The following BDH1 variants were observed in gnomAD, a reference collection of about 807,000 sequenced individuals.
BDH1 encodes the protein D-beta-hydroxybutyrate dehydrogenase, mitochondrial.
Under a neutral mutation model 33.1 loss-of-function variants are expected in BDH1, and 30 were observed. The ratio of observed to expected loss-of-function variants is 0.91; its 90% confidence interval spans 0.68 to 1.23. BDH1 has a LOEUF of 1.23. BDH1 is among the 50% of genes most tolerant of loss of function. The probability of loss-of-function intolerance (pLI) is 0.00; values close to 1 mark genes in which losing one functional copy is unlikely to be tolerated. For synonymous variants in BDH1, 190 were observed against 183.6 expected (o/e 1.03, Z -0.28); for missense variants, 443 against 464.4 (o/e 0.95, Z 0.42).
chr3:197,523,613 A>G lies in BDH1; in HGVS notation c.268-832T>C, dbSNP rs1016376861. Among the ~76,000 whole-genome samples the G allele has an allele frequency of 6.6e-6, 1 of 152,208 alleles. No homozygotes were observed. Among genetic ancestry groups the G allele is most frequent in the East Asian group, 1.9e-4 (1 of 5,206 alleles). On this transcript the variant is annotated intron_variant, in intron 5 of 7. Coordinates refer to ENST00000392379, the MANE Select transcript of BDH1 (RefSeq NM_203314.3). This position sits in a 1 kb window ranked among gnomAD's most constrained non-coding sequence, Gnocchi z 4.5. ...TCTTGGGCCCCTATCGTGTTCCGGC[A>G]CTGTGCTAGGAACTGGAGGTCAAGA...
intron 3 of BDH1, among the ~76,000 whole-genome samples, chr3:197,535,474 A>G (rs1315039488): frequency 6.6e-6 from 1 of 152,156 alleles, no homozygotes; most frequent in Non-Finnish European, 1.5e-5. Context: ...CCAACCAACA[A>G]CGTTGCTTAG....
At chr3:197,536,074 G>A (rs1350425820) in intron 3 of BDH1, among the ~76,000 whole-genome samples, 6 of 151,966 alleles carry the variant, frequency 3.9e-5, no homozygotes, top group Admixed American at 3.3e-4. Flanking sequence ...ATAGTTTTAT[G>A]TTTTACTTCT....
intron 1 of BDH1, among the ~76,000 whole-genome samples, chr3:197,571,980 G>A (rs933195723): frequency 2.0e-5 from 3 of 152,168 alleles, no homozygotes; most frequent in Non-Finnish European, 2.9e-5. Flanking sequence ...CATAACAACT[G>A]TTTCAGCACT....
At chr3:197,566,598 A>G (rs6789469) in intron 1 of BDH1, among the ~76,000 whole-genome samples, 52,245 of 152,108 alleles carry the variant, frequency 0.34, 9,366 homozygotes, top group African/African-American at 0.43. Flanking sequence ...TGCATTGTAT[A>G]CAAATAATTA....
At chr3:197,551,152 G>C (rs1579993343) in intron 2 of BDH1, among the ~76,000 whole-genome samples, 1 of 152,236 alleles carries the variant, frequency 6.6e-6, no homozygotes, top group African/African-American at 2.4e-5. Flanking sequence ...GCAAATACTA[G>C]TTCTTATTCA....
chr3:197,534,988 T>G (rs2099247), intron 3 of BDH1, among the ~76,000 whole-genome samples: 5 of 152,014 alleles, frequency 3.3e-5, no homozygotes, highest in African/African-American at 1.2e-4. Flanking sequence ...CAGCAGACTG[T>G]GTTTGGTGAG....
At chr3:197,549,977 A>ATT (rs202162714) in intron 2 of BDH1, among the ~76,000 whole-genome samples, 1 of 150,094 alleles carries the variant, frequency 6.7e-6, no homozygotes, top group African/African-American at 2.5e-5. Context: ...AATAACTATT[A>ATT]TATATATATT....
intron 2 of BDH1, among the ~76,000 whole-genome samples, chr3:197,549,985 ATT>A (rs1716421037): frequency 2.0e-5 from 3 of 147,944 alleles, no homozygotes; most frequent in Non-Finnish European, 3.0e-5. Context: ...TTATATATAT[ATT>A]TGGCCATTCC....
At chr3:197,572,968 T>C (rs191314943) in intron 1 of BDH1, among the ~76,000 whole-genome samples, 191 of 152,326 alleles carry the variant, frequency 1.3e-3, no homozygotes, top group Non-Finnish European at 1.6e-3. Flanking sequence ...TTTATCCCTA[T>C]TGCTACCAGG....
rs1711921472 is a variant in BDH1, at chr3:197,510,697, GTGTGTGTGTGTGTGTGTGTGTACA to G, written c.*1174_*1197del. On this transcript the variant is annotated 3_prime_UTR_variant, in exon 8 of 8. Transcript: ENST00000392379. ...ACATGTGTGTAAGGTGTGTGTGTGT[GTGTGTGTGTGTGTGTGTGTGTACA>G]TGTGTGTAAGCACCACGTGAGGCAA... 3 of 101,674 alleles carry G rather than the reference GTGTGTGTGTGTGTGTGTGTGTACA, an allele frequency of 3.0e-5. No homozygotes were observed. Among genetic ancestry groups the G allele is most frequent in the African/African-American group, 1.3e-4 (3 of 23,718 alleles). The allele number at this position is 101,674 out of a possible 1,614,324, so 6.3% of individuals were successfully genotyped here.
At chr3:197,533,718 G>A (rs553145280) in intron 3 of BDH1, 157 bp from the exon 4 acceptor site, 9 of 669,958 alleles carry the variant, frequency 1.3e-5, no homozygotes, top group African/African-American at 9.0e-5. Context: ...CAGGGTTGCT[G>A]GCTGATAGAA....
intron 6 of BDH1, chr3:197,515,522 G>T (rs73076587): frequency 1.3e-5 from 13 of 985,536 alleles, no homozygotes; most frequent in Non-Finnish European, 1.6e-5. Context: ...CGTCATCTTC[G>T]AGACCATAGC....
rs904999561 is a variant in BDH1, at chr3:197,525,566, C to T, written c.268-2785G>A. 2.0e-5 allele frequency among the ~76,000 whole-genome samples: 3 copies of T among 152,238 alleles called. No homozygotes were observed. The highest frequency in any genetic ancestry group is 4.4e-5 in the Non-Finnish European group (3 of 68,038). On this transcript the variant is annotated intron_variant, in intron 5 of 7. Transcript: ENST00000392379. The surrounding 1 kb of genome is among the most constrained non-coding windows in gnomAD (Gnocchi z 4.9). ...GGATTAATCTCACTGCCCACGGCTT[C>T]AGGCTCCCGAGGAGAGCAACGCTAC... is the stretch of plus-strand genomic sequence containing the variant.
rs542445174 is a variant in BDH1, at chr3:197,512,332, G to A, written c.595C>T (p.Arg199Cys). Residue 199 changes from arginine to cysteine, a missense_variant, in exon 8 of 8, where the codon CGC becomes TGC. Physicochemically the swap from Arg to Cys is radical, Grantham distance 180. Coordinates refer to ENST00000392379, the MANE Select transcript of BDH1 (RefSeq NM_203314.3). ...GGGGAGCGGGCCGGGTTGGCCATGC[G>A]GCCCAGCATGCTGCTGATATTGACG... ...RVVNISSMLG[R>C]MANPARSPYC... 8.7e-6 allele frequency: 14 copies of A among 1,609,700 alleles called. No individual in the cohort carries two copies. Among genetic ancestry groups the A allele is most frequent in the South Asian group, 6.6e-5 (6 of 91,068 alleles).
At chr3:197,564,157 G>T (rs2108775023) in intron 1 of BDH1, among the ~76,000 whole-genome samples, 1 of 148,196 alleles carries the variant, frequency 6.7e-6, no homozygotes, top group Non-Finnish European at 1.5e-5. Context: ...TGGTAAGAAA[G>T]CTTAAAGATA....
At chr3:197,529,427 G>A (rs895640519) in intron 5 of BDH1, 4 of 152,156 alleles carry the variant, frequency 2.6e-5, no homozygotes, top group Non-Finnish European at 4.4e-5. Flanking sequence ...TCAGATCAGA[G>A]ATGCTGAGCA....
chr3:197,514,322 G>T lies in BDH1; in HGVS notation c.504C>A (p.Asn168Lys). Residue 168 changes from asparagine to lysine, a missense_variant, in exon 7 of 8, where the codon AAC (asparagine) becomes AAA (lysine). Physicochemically the swap from Asn to Lys is moderately conservative, Grantham distance 94. Transcript: ENST00000392379. This position sits in a 1 kb window ranked among gnomAD's most constrained non-coding sequence, Gnocchi z 4.2. ...TCGTCATCCGCACTGTGCCCCAAAG[G>T]TTCACTTCTGCCACCTGCTTGTAGG... Reference protein sequence around the residue: ...LETYKQVAEVNLWGTVRMTKS... With the variant: ...LETYKQVAEVKLWGTVRMTKS... The T allele has an allele frequency of 1.2e-6, 2 of 1,613,906 alleles. No individual in the cohort carries two copies. The highest frequency in any genetic ancestry group is 2.2e-5 in the East Asian group (1 of 44,852).
chr3:197,568,224 C>T (rs1717496058), intron 1 of BDH1, among the ~76,000 whole-genome samples: 1 of 152,078 alleles, frequency 6.6e-6, no homozygotes, highest in Admixed American at 6.6e-5. Context: ...AAAACACTGT[C>T]TACTGCCCCA....
intron 1 of BDH1, among the ~76,000 whole-genome samples, chr3:197,565,774 T>C (rs1717414301): frequency 6.6e-6 from 1 of 152,190 alleles, no homozygotes. Context: ...TGGTCCTCCT[T>C]AGAAAGTGGT....
Sources: allele counts gnomAD v4.1 joint callset (sites outside exome capture counted in the v4.1 genomes callset), GRCh38; gene constraint gnomAD v4.1.1; non-coding constraint Gnocchi (gnomAD v3.1); transcripts MANE v1.5; gene names NCBI Gene and HGNC (gene_info 2026-07-23, HGNC 2026-07-21).